FSIP2: variants seen among roughly 807,000 people sequenced by gnomAD.
FSIP2 encodes the protein fibrous sheath interacting protein 2.
In FSIP2, 367 loss-of-function variants were observed where a neutral mutation model predicts 510.5. The observed-to-expected ratio is 0.72, with a 90% CI of 0.66 to 0.78. The LOEUF (loss-of-function observed/expected upper bound fraction) is 0.78. FSIP2 is among the 30% of genes least tolerant of loss of function. The probability of loss-of-function intolerance (pLI) is 0.00; values close to 1 mark genes in which losing one functional copy is unlikely to be tolerated. For synonymous variants in FSIP2, 2,601 were observed against 2,732.2 expected, an observed-to-expected ratio of 0.95 and a Z score of 1.50; for missense variants, 7,594 against 7,901.7, an observed-to-expected ratio of 0.96 and a Z score of 1.48.
Position 185,797,102 on chromosome 2 carries a change from C to T in FSIP2, c.9966C>T (p.Ser3322=), listed in dbSNP as rs1020501467. ...CAAACCAAATTCAGACAACCATTTC[C>T]CCTCTCAAAATATGTTTAGCTGCAG... ...VEPNQIQTTI[S]PLKICLAAEN... The change falls in exon 16 of 23, where the codon TCC becomes TCT. Residue 3322 remains serine (S), a synonymous_variant. Coordinates refer to ENST00000424728, the MANE Select transcript of FSIP2 (RefSeq NM_173651.4). 1 of 1,534,920 alleles carries T rather than the reference C, an allele frequency of 6.5e-7. No homozygotes were observed. The highest frequency in any genetic ancestry group is 1.4e-5 in the African/African-American group (1 of 72,874).
Position 185,791,366 on chromosome 2 carries a change from T to C in FSIP2, c.4230T>C (p.Ala1410=). 1 of 1,534,080 alleles carries C rather than the reference T, an allele frequency of 6.5e-7. No homozygotes were observed. Among genetic ancestry groups the C allele is most frequent in the Non-Finnish European group, 8.7e-7 (1 of 1,145,444 alleles). ...QDKKSFHKYL[A]TPCTHHSVNG... is the part of the protein sequence containing the mutation. The stretch of plus-strand genomic sequence containing the variant: ...AAAAATCTTTTCACAAATATTTGGC[T>C]ACTCCTTGTACTCACCACAGTGTCA... Residue 1410 remains alanine (A), a synonymous_variant, in exon 16 of 23, where the codon GCT becomes GCC. Coordinates refer to ENST00000424728, the MANE Select transcript of FSIP2 (RefSeq NM_173651.4).
rs115580308 is a variant in FSIP2 at position 185,782,845 on chromosome 2, G to A, written c.1469+83G>A. 2.0e-3 allele frequency: 1,515 copies of A among 752,992 alleles called. 8 individuals carry two copies. Among genetic ancestry groups the A allele is most frequent in the Middle Eastern group, 9.2e-3 (25 of 2,718 alleles). 46.6% of individuals were successfully genotyped at this position (752,992 alleles called of 1,614,324 possible). On this transcript the variant is annotated intron_variant, in intron 14 of 22. Transcript: ENST00000424728. ...GCTGCTCATAAGCAAATGATTCCAT[G>A]GAATCCTCCATTTTTATAGTTCTAC...
At chr2:185,774,543 G>T (rs1248228765) in intron 13 of FSIP2, among the ~76,000 whole-genome samples, 1 of 151,504 alleles carries the variant, frequency 6.6e-6, no homozygotes, top group African/African-American at 2.4e-5. Flanking sequence ...CTTGTCAAGT[G>T]TCAGTTATTC....
In FSIP2 at chr2:185,744,964, G is replaced by A. The variant is rs1215758685; in HGVS notation, c.478-465G>A. 3.9e-5 allele frequency: 3 copies of A among 76,524 alleles called. No individual in the cohort carries two copies. In the Admixed American group the frequency reaches 4.0e-4, roughly 10 times the overall value. 4.7% of individuals were successfully genotyped at this position (76,524 alleles called of 1,614,324 possible). On this transcript the variant is annotated intron_variant, in intron 4 of 22. Transcript: ENST00000424728. ...CTTCCTTTTGATTTTTGACTTAAAGGTGTGTGTGTGTGGGGTGTGTGTGTG... is the reference window on the plus strand; with the variant it reads ...CTTCCTTTTGATTTTTGACTTAAAGATGTGTGTGTGTGGGGTGTGTGTGTG...
Position 185,804,462 on chromosome 2 carries a change from T to C in FSIP2, c.15156T>C (p.Cys5052=). 2 of 1,517,414 alleles carry C rather than the reference T, an allele frequency of 1.3e-6. No individual in the cohort carries two copies. Among genetic ancestry groups the C allele is most frequent in the South Asian group, 2.4e-5 (2 of 81,918 alleles). The allele number at this position is 1,517,414 out of a possible 1,614,324, so 94.0% of individuals were successfully genotyped here. ...GGGTTATACAAAGTGACACAATATG[T>C]TTTGGTAGGAAAATATATTATTTGC... is the stretch of plus-strand genomic sequence containing the variant. ...IHRVIQSDTI[C]FGRKIYYLLL... Residue 5052 remains cysteine, a synonymous_variant, in exon 17 of 23, where the codon TGT becomes TGC. Coordinates refer to ENST00000424728, the MANE Select transcript of FSIP2 (RefSeq NM_173651.4).
In FSIP2 at chr2:185,739,210, C is replaced by T. The variant is rs1003660295; in HGVS notation, c.100-136C>T. On this transcript the variant is annotated intron_variant, in intron 1 of 22. Transcript: ENST00000424728. Reference sequence around the variant, plus strand: ...CAGGAGAGCTGGTGACCAGGGAAAACGGGAGGACTTCAGGATGCCCCGAAC... The same window carrying T: ...CAGGAGAGCTGGTGACCAGGGAAAATGGGAGGACTTCAGGATGCCCCGAAC... 9.4e-5 allele frequency: 109 copies of T among 1,154,206 alleles called. 2 individuals carry two copies. In the South Asian group the frequency reaches 1.4e-3, roughly 15 times the overall value. 71.5% of individuals were successfully genotyped at this position (1,154,206 alleles called of 1,614,324 possible).
intron 8 of FSIP2, among the ~76,000 whole-genome samples, chr2:185,754,499 CTG>C (rs1433755083): frequency 6.6e-6 from 1 of 151,448 alleles, no homozygotes; most frequent in African/African-American, 2.4e-5. Flanking sequence ...CAGAGCTTTC[CTG>C]TGTCACTCCA....
intron 9 of FSIP2, among the ~76,000 whole-genome samples, chr2:185,758,621 T>A (rs1244703453): frequency 6.6e-6 from 1 of 151,084 alleles, no homozygotes. Context: ...CTCTGGCCAG[T>A]GGAAGCACCT....
chr2:185,813,495 A>G, intron 17 of FSIP2, 50 bp from the exon 18 acceptor site: 2 of 1,212,734 alleles, frequency 1.6e-6, no homozygotes, highest in South Asian at 1.8e-5. Context: ...GAACTATAGG[A>G]AAGTGATTTA....
chr2:185,805,197 T>C lies in FSIP2; in HGVS notation c.15891T>C (p.Asp5297=). Residue 5297 remains aspartate (D), a synonymous_variant, in exon 17 of 23, where the codon GAT becomes GAC. Transcript: ENST00000424728. ...GTTCTCTCCTCATTATTACTGAAGA[T>C]TCTAAGAAAAATGAAATGGCAGAGC... The part of the protein sequence containing the change: ...KFCSLLIITE[D]SKKNEMAELD... The C allele has an allele frequency of 1.9e-6, 3 of 1,604,738 alleles. No homozygotes were observed. The highest frequency in any genetic ancestry group is 2.5e-6 in the Non-Finnish European group (3 of 1,176,496).
chr2:185,806,163 A>C lies in FSIP2; in HGVS notation c.16857A>C (p.Ser5619=). 6.3e-7 allele frequency: 1 copy of C among 1,583,738 alleles called. No individual in the cohort carries two copies. Among genetic ancestry groups the C allele is most frequent in the Non-Finnish European group, 8.5e-7 (1 of 1,170,460 alleles). The change falls in exon 17 of 23, where the codon TCA becomes TCC. Residue 5619 remains serine (S), a synonymous_variant. Coordinates refer to ENST00000424728, the MANE Select transcript of FSIP2 (RefSeq NM_173651.4). ...AGATTGACAATGCAAGGGAAAGCTC[A>C]TTTAAAAAAGATGACAAGCTCTTTC... ...KKKIDNARES[S]FKKDDKLFQL...
At chr2:185,739,064 C>A (rs1489780952) in intron 1 of FSIP2, 71 bp downstream of exon 1, 9 of 1,459,408 alleles carry the variant, frequency 6.2e-6, no homozygotes, top group African/African-American at 1.4e-5. Context: ...GGGCAGGGAT[C>A]GCCACACACG....
chr2:185,745,699 G>A (rs1186416310), intron 5 of FSIP2, 131 bp downstream of exon 5: 4 of 815,870 alleles, frequency 4.9e-6, no homozygotes, highest in Non-Finnish European at 6.9e-6. Flanking sequence ...TGTAGAGGAA[G>A]GAAGTGAAAC....
intron 14 of FSIP2, chr2:185,783,965 C>T (rs1001165127): frequency 6.6e-6 from 1 of 152,140 alleles, no homozygotes. Context: ...GGAGCTTCTT[C>T]GCCACTGCTC....
At chr2:185,781,855 T>TC in intron 13 of FSIP2, among the ~76,000 whole-genome samples, 1 of 152,058 alleles carries the variant, frequency 6.6e-6, no homozygotes, top group Non-Finnish European at 1.5e-5. Context: ...TTTTTTTTTT[T>TC]GAGACGGAGT....
chr2:185,811,595 T>C (rs1693732145), intron 17 of FSIP2, among the ~76,000 whole-genome samples: 1 of 152,042 alleles, frequency 6.6e-6, no homozygotes, highest in South Asian at 2.1e-4. Flanking sequence ...TTAGAGAAAG[T>C]TCCAAAACTG....
rs1018571445 is a variant in FSIP2 at position 185,809,133 on chromosome 2, G to T, written c.19827G>T (p.Glu6609Asp). The part of the protein sequence containing the change: ...KTGRLDVKPL[E>D]AVARNSFQNI... ...GAAGACTGGATGTAAAACCCCTAGAGGTAAGTGCAAAAGCAATGGCATGAA... is the reference window on the plus strand; with the variant it reads ...GAAGACTGGATGTAAAACCCCTAGATGTAAGTGCAAAAGCAATGGCATGAA... Residue 6609 changes from glutamate (E) to aspartate (D), a missense_variant and splice_region_variant, in exon 17 of 23, where the codon GAG becomes GAT. Physicochemically the swap from Glu to Asp is conservative, Grantham distance 45 (BLOSUM62 2). Coordinates refer to ENST00000424728, the MANE Select transcript of FSIP2 (RefSeq NM_173651.4). 7 of 1,549,862 alleles carry T rather than the reference G, an allele frequency of 4.5e-6. No individual in the cohort carries two copies. In the African/African-American group the frequency reaches 6.9e-5, roughly 15 times the overall value.
Position 185,790,159 on chromosome 2 carries a change from T to C in FSIP2, c.3023T>C (p.Ile1008Thr), listed in dbSNP as rs776233583. 1 of 1,532,328 alleles carries C rather than the reference T, an allele frequency of 6.5e-7. No homozygotes were observed. Among genetic ancestry groups the C allele is most frequent in the Non-Finnish European group, 8.7e-7 (1 of 1,144,732 alleles). 94.9% of individuals were successfully genotyped at this position (1,532,328 alleles called of 1,614,324 possible). The change falls in exon 16 of 23, where the codon ATA becomes ACA. Residue 1008 changes from isoleucine to threonine, a missense_variant. Coordinates refer to ENST00000424728, the MANE Select transcript of FSIP2 (RefSeq NM_173651.4). ...VLYSDDENEE[I>T]DNIVKNVLDS... is the part of the protein sequence containing the mutation. ...TATTCTGATGATGAAAATGAGGAAA[T>C]AGACAATATTGTAAAAAATGTGCTT...
Position 185,808,998 on chromosome 2 carries a change from T to C in FSIP2, c.19692T>C (p.His6564=), listed in dbSNP as rs377576208. 74 of 1,612,872 alleles carry C rather than the reference T, an allele frequency of 4.6e-5. No individual in the cohort carries two copies. In the Middle Eastern group the frequency reaches 6.6e-4, roughly 14 times the overall value. The change falls in exon 17 of 23, where the codon CAT becomes CAC. Residue 6564 remains histidine, a synonymous_variant. Coordinates refer to ENST00000424728, the MANE Select transcript of FSIP2 (RefSeq NM_173651.4). ...AGGAGTGTTTGAAAAGAACTGGACA[T>C]AGCATAGCAGAACTGAGAAGAGCAT... ...LKQECLKRTG[H]SIAELRRASI...
Sources: gnomAD v4.1 joint callset for allele counts (sites outside exome capture counted in the v4.1 genomes callset) on GRCh38, gnomAD v4.1.1 for gene constraint, MANE v1.5 for transcripts, NCBI Gene and HGNC (gene_info 2026-07-23, HGNC 2026-07-21) for gene names.